The following ZMYM3 variants were observed in gnomAD, a reference collection of about 807,000 sequenced individuals.
The protein encoded by ZMYM3 is zinc finger MYM-type protein 3.
Under a neutral mutation model 94.2 loss-of-function variants are expected in ZMYM3, and 6 were observed. That is an observed-to-expected ratio of 0.06 (90% CI 0.03 to 0.13). The LOEUF (loss-of-function observed/expected upper bound fraction) is 0.13. ZMYM3 is among the 10% of genes least tolerant of loss of function. ZMYM3 has a pLI of 1.00. For synonymous variants in ZMYM3, 420 were observed against 426.5 expected (o/e 0.98, Z 0.19); for missense variants, 664 against 1,132.6 (o/e 0.59, Z 5.94).
intron 9 of ZMYM3, 74 bp downstream of exon 9, chrX:71,248,612 G>T: frequency 8.7e-7 from 1 of 1,147,292 alleles, no homozygotes; most frequent in Middle Eastern, 2.5e-4. Flanking sequence ...CTCTGCCCAG[G>T]CCTGCCTACC....
At chrX:71,242,624 C>T (rs2029996195) in intron 22 of ZMYM3, among the ~76,000 whole-genome samples, 200 bp from the exon 23 acceptor site, 1 of 112,211 alleles carries the variant, frequency 8.9e-6, no homozygotes, top group Admixed American at 9.5e-5. Context: ...CTTTCCACAC[C>T]TGCATTTGGA....
At position 71,239,788 on chromosome X, in the gene ZMYM3, T is replaced by C. The variant is rs1168089951; in HGVS notation, c.*1128A>G. The stretch of plus-strand genomic sequence containing the variant: ...TTAAACAGTGGCTAACTGGTGACAG[T>C]TATAAAAACACAAAAAGGAGCCTGG... On this transcript the variant is annotated 3_prime_UTR_variant, in exon 25 of 25. Coordinates refer to ENST00000314425, the MANE Select transcript of ZMYM3 (RefSeq NM_201599.3). The C allele has an allele frequency of 1.8e-5, 2 of 112,388 alleles. No homozygotes were observed. The highest frequency in any genetic ancestry group is 3.2e-5 in the African/African-American group (1 of 30,809). 9.3% of individuals were successfully genotyped at this position (112,388 alleles called of 1,213,427 possible). A position where few individuals can be genotyped will look rare whatever the true frequency, so the allele number is the denominator to read the frequency against.
chrX:71,247,714 C>G lies in ZMYM3; in HGVS notation c.2148+20G>C. 1 of 1,202,917 alleles carries G rather than the reference C, an allele frequency of 8.3e-7. No homozygotes were observed. Among genetic ancestry groups the G allele is most frequent in the Non-Finnish European group, 1.1e-6 (1 of 890,269 alleles). On this transcript the variant is annotated intron_variant, in intron 12 of 24. Coordinates refer to ENST00000314425, the MANE Select transcript of ZMYM3 (RefSeq NM_201599.3). ...CCACTGCCCTCTTTCCCGCCTCGCT[C>G]GCATGCTGACCCTCCTTACCTTGCA...
At chrX:71,255,084 A>ATCTC (rs61261611), upstream of ZMYM3, 33 of 20,830 alleles carry the variant, frequency 1.6e-3, no homozygotes, top group South Asian at 3.1e-3. Flanking sequence ...ACCAGGGCTG[A>ATCTC]TCTCTCTCTC....
At chrX:71,241,872 A>G (rs1411235396) in intron 23 of ZMYM3, among the ~76,000 whole-genome samples, 2 of 111,988 alleles carry the variant, frequency 1.8e-5, no homozygotes, top group African/African-American at 6.5e-5. Context: ...CCCGACAGCC[A>G]AACACACCCA....
chrX:71,245,563 C>A, intron 17 of ZMYM3, 78 bp from the exon 18 acceptor site: 1 of 1,158,832 alleles, frequency 8.6e-7, no homozygotes, highest in Non-Finnish European at 1.2e-6. Context: ...CTGATCCCAA[C>A]TATCCTCCCA....
intron 3 of ZMYM3, 34 bp downstream of exon 3, chrX:71,251,524 G>T (rs372856829): frequency 1.1e-4 from 126 of 1,171,971 alleles, no homozygotes; most frequent in Non-Finnish European, 1.4e-4. Flanking sequence ...GAGCTAAGGG[G>T]GAACCAGACT....
chrX:71,252,303 G>C (rs2030517142), intron 2 of ZMYM3, among the ~76,000 whole-genome samples: 1 of 110,181 alleles, frequency 9.1e-6, no homozygotes, highest in South Asian at 3.9e-4. Flanking sequence ...AGCCCACTGG[G>C]GTAGGAAAAA....
At position 71,247,792 on chromosome X, in the gene ZMYM3, C is replaced by T; in HGVS notation, c.2090G>A (p.Ser697Asn). Residue 697 changes from serine (S) to asparagine (N), a missense_variant, in exon 12 of 25, where the codon AGC (serine) becomes AAC (asparagine). Ser to Asn is a conservative substitution (Grantham distance 46). Coordinates refer to ENST00000314425, the MANE Select transcript of ZMYM3 (RefSeq NM_201599.3). The part of the protein sequence containing the change: ...QRGVTEQLDG[S>N]TWDFCSEDCK... Reference sequence around the variant, plus strand: ...GTCCTCACTGCAGAAGTCCCAGGTGCTGCCATCCAGTTGCTCGGTGACTCC... The same window carrying T: ...GTCCTCACTGCAGAAGTCCCAGGTGTTGCCATCCAGTTGCTCGGTGACTCC... 1 of 1,212,138 alleles carries T rather than the reference C, an allele frequency of 8.2e-7. No individual in the cohort carries two copies. The highest frequency in any genetic ancestry group is 1.1e-6 in the Non-Finnish European group (1 of 895,565).
Position 71,243,520 on chromosome X carries a change from T to C in ZMYM3, c.3432+309A>G, listed in dbSNP as rs760450353. On this transcript the variant is annotated intron_variant, in intron 21 of 24. Coordinates refer to ENST00000314425, the MANE Select transcript of ZMYM3 (RefSeq NM_201599.3). Reference sequence around the variant, plus strand: ...ATTTTAGAAGAGTATTGATATCTCATGTTCTATTTGGAGTAGGAGATTAAA... The same window carrying C: ...ATTTTAGAAGAGTATTGATATCTCACGTTCTATTTGGAGTAGGAGATTAAA... 5.2e-5 allele frequency: 16 copies of C among 309,912 alleles called. No individual in the cohort carries two copies. In the Admixed American group the frequency reaches 6.4e-4, roughly 12 times the overall value. 25.5% of individuals were successfully genotyped at this position (309,912 alleles called of 1,213,427 possible).
intron 12 of ZMYM3, 22 bp from the exon 13 acceptor site, chrX:71,247,532 T>G (rs367691181): frequency 1.0e-4 from 123 of 1,200,582 alleles, no homozygotes; most frequent in Non-Finnish European, 1.4e-4. Context: ...AAAAGGATGG[T>G]CAGACCTGCC....
At position 71,248,136 on chromosome X, in the gene ZMYM3, T is replaced by C. The variant is rs190571517; in HGVS notation, c.1975+26A>G. 388 of 1,206,718 alleles carry C rather than the reference T, an allele frequency of 3.2e-4. 5 individuals carry two copies. The Admixed American group carries it at 7.4e-3, about 23-fold the overall frequency. On this transcript the variant is annotated intron_variant, in intron 11 of 24. Coordinates refer to ENST00000314425, the MANE Select transcript of ZMYM3 (RefSeq NM_201599.3). ...TTCTCCCTGGCTGGGAGTTATAGTGTCTTCTGCCCTTCCCCATCTCCTTAC... is the reference window on the plus strand; with the variant it reads ...TTCTCCCTGGCTGGGAGTTATAGTGCCTTCTGCCCTTCCCCATCTCCTTAC...
chrX:71,247,329 C>G lies in ZMYM3; in HGVS notation c.2314+16G>C. The G allele has an allele frequency of 8.5e-7, 1 of 1,176,124 alleles. No homozygotes were observed. Among genetic ancestry groups the G allele is most frequent in the Non-Finnish European group, 1.1e-6 (1 of 875,781 alleles). On this transcript the variant is annotated intron_variant, in intron 13 of 24. Coordinates refer to ENST00000314425, the MANE Select transcript of ZMYM3 (RefSeq NM_201599.3). Reference sequence around the variant, plus strand: ...AGGCTCCCTCTAACAGAGTGTACCCCCTGCCTGGGACTCACTGTTCAGGAG... The same window carrying G: ...AGGCTCCCTCTAACAGAGTGTACCCGCTGCCTGGGACTCACTGTTCAGGAG...
Position 71,242,250 on chromosome X carries a change from C to T in ZMYM3, c.3722G>A (p.Arg1241His). 1 of 1,208,472 alleles carries T rather than the reference C, an allele frequency of 8.3e-7. No individual in the cohort carries two copies. The highest frequency in any genetic ancestry group is 1.1e-6 in the Non-Finnish European group (1 of 893,804). ...LSFTNVVRQS[R>H]KCTTPRGTTK... ...GGTGCCCCGAGGGGTGGTACACTTGCGGGACTGCCGCACCACATTGGTGAA... is the reference window on the plus strand; with the variant it reads ...GGTGCCCCGAGGGGTGGTACACTTGTGGGACTGCCGCACCACATTGGTGAA... The change falls in exon 23 of 25, where the codon CGC becomes CAC. Residue 1241 changes from arginine (R) to histidine (H), a missense_variant. Transcript: ENST00000314425.
chrX:71,247,528 A>G lies in ZMYM3; in HGVS notation c.2149-18T>C. 2.5e-6 allele frequency: 3 copies of G among 1,204,391 alleles called. No individual in the cohort carries two copies. Among genetic ancestry groups the G allele is most frequent in the Non-Finnish European group, 3.4e-6 (3 of 890,832 alleles). Reference sequence around the variant, plus strand: ...CGGGCAGCCTGAGGATGTCAAAAGGATGGTCAGACCTGCCTCCCTAAAATG... The same window carrying G: ...CGGGCAGCCTGAGGATGTCAAAAGGGTGGTCAGACCTGCCTCCCTAAAATG... On this transcript the variant is annotated intron_variant, in intron 12 of 24. Coordinates refer to ENST00000314425, the MANE Select transcript of ZMYM3 (RefSeq NM_201599.3).
In ZMYM3 at chrX:71,242,267, A is replaced by G. The variant is rs1239729051; in HGVS notation, c.3705T>C (p.Asn1235=). The change falls in exon 23 of 25, where the codon AAT becomes AAC. Residue 1235 remains asparagine (N), a synonymous_variant. Coordinates refer to ENST00000314425, the MANE Select transcript of ZMYM3 (RefSeq NM_201599.3). ...TACACTTGCGGGACTGCCGCACCAC[A>G]TTGGTGAAGGAGAGTTGCATGTGTT... ...AEEHMQLSFT[N]VVRQSRKCTT... 46 of 1,209,635 alleles carry G rather than the reference A, an allele frequency of 3.8e-5. No homozygotes were observed. Among genetic ancestry groups the G allele is most frequent in the Non-Finnish European group, 5.0e-5 (45 of 894,789 alleles).
rs781054448 is a variant in ZMYM3 at position 71,247,410 on chromosome X, C to T, written c.2249G>A (p.Arg750His). ...GGGTTGGTTCTGCTGGCTATAGAAA[C>T]GCAGAAGACACTGCTGGTTGCAGAA... is the stretch of plus-strand genomic sequence containing the variant. ...RHFCNQQCLL[R>H]FYSQQNQPNL... The change falls in exon 13 of 25, where the codon CGT (arginine) becomes CAT (histidine). Residue 750 changes from arginine to histidine, a missense_variant. Coordinates refer to ENST00000314425, the MANE Select transcript of ZMYM3 (RefSeq NM_201599.3). 4.1e-6 allele frequency: 5 copies of T among 1,207,720 alleles called. No homozygotes were observed. The highest frequency in any genetic ancestry group is 5.6e-6 in the Non-Finnish European group (5 of 893,297).
intron 21 of ZMYM3, 26 bp from the exon 22 acceptor site, chrX:71,243,110 T>C (rs2030016468): frequency 8.8e-7 from 1 of 1,132,332 alleles, no homozygotes; most frequent in Admixed American, 2.2e-5. Flanking sequence ...CAGACACACC[T>C]AAGGCTAGAC....
At chrX:71,244,690 G>C in intron 19 of ZMYM3, 100 bp downstream of exon 19, 1 of 837,947 alleles carries the variant, frequency 1.2e-6, no homozygotes, top group Non-Finnish European at 1.7e-6. Context: ...GGAGAAAGGA[G>C]GTTAGGGAAG....
Sources: gnomAD v4.1 joint callset for allele counts (sites outside exome capture counted in the v4.1 genomes callset) on GRCh38, gnomAD v4.1.1 for gene constraint, MANE v1.5 for transcripts, NCBI Gene and HGNC (gene_info 2026-07-23, HGNC 2026-07-21) for gene names.